The following LRRC1 variants were observed in gnomAD, a reference collection of about 807,000 sequenced individuals.
The protein encoded by LRRC1 is leucine-rich repeat-containing protein 1.
In LRRC1, 28 loss-of-function variants were observed where a neutral mutation model predicts 69.9. That is an observed-to-expected ratio of 0.40 (90% CI 0.30 to 0.55). LRRC1 has a LOEUF of 0.55. Ranked by LOEUF, LRRC1 falls within the 20% of genes least tolerant of loss-of-function variation. The pLI, the probability that LRRC1 is intolerant of heterozygous loss-of-function variation, is 0.47. For missense variants in LRRC1, 498 were observed against 609.0 expected (o/e 0.82, Z 1.92); for synonymous variants, 236 against 240.2 (o/e 0.98, Z 0.16).
At chr6:53,870,176 G>C (rs1165846899) in intron 2 of LRRC1, among the ~76,000 whole-genome samples, 2 of 152,064 alleles carry the variant, frequency 1.3e-5, no homozygotes, top group African/African-American at 4.8e-5. Flanking sequence ...AATTGTTTTT[G>C]TTATCCTCTG....
rs555154986 is a variant in LRRC1 at position 53,893,758 on chromosome 6, C to T, written c.447-2740C>T. Among the ~76,000 whole-genome samples the T allele has an allele frequency of 1.5e-3, 222 of 151,994 alleles. 3 individuals are homozygous for T. Among genetic ancestry groups the T allele is most frequent in the African/African-American group, 4.6e-3 (189 of 41,456 alleles). On this transcript the variant is annotated intron_variant, in intron 4 of 13. Coordinates refer to ENST00000370888, the MANE Select transcript of LRRC1 (RefSeq NM_018214.5). ...ATATTTTTTGTTGTTGATGTATCACCCATACATCCACATTTTCTTTACTTC... is the reference window on the plus strand; with the variant it reads ...ATATTTTTTGTTGTTGATGTATCACTCATACATCCACATTTTCTTTACTTC...
chr6:53,895,404 G>A (rs917226995), intron 4 of LRRC1, among the ~76,000 whole-genome samples: 2 of 152,076 alleles, frequency 1.3e-5, no homozygotes, highest in African/African-American at 4.8e-5. Context: ...TTACATTTCT[G>A]GATGTTATAA....
chr6:53,854,615 T>C (rs1203497560), intron 2 of LRRC1, among the ~76,000 whole-genome samples: 1 of 152,206 alleles, frequency 6.6e-6, no homozygotes, highest in Non-Finnish European at 1.5e-5. Flanking sequence ...ACTTTGATTG[T>C]GTGACTCATG....
At chr6:53,834,304 C>T (rs1307001294) in intron 1 of LRRC1, among the ~76,000 whole-genome samples, 2 of 152,164 alleles carry the variant, frequency 1.3e-5, no homozygotes, top group African/African-American at 4.8e-5. Context: ...GGCAGCAACC[C>T]CACTTATGTG....
chr6:53,917,513 A>G (rs558048053), intron 11 of LRRC1, among the ~76,000 whole-genome samples: 7 of 152,326 alleles, frequency 4.6e-5, no homozygotes, highest in African/African-American at 1.7e-4. Flanking sequence ...GCTGTGATTT[A>G]TTAATATTAT....
At position 53,845,918 on chromosome 6, in the gene LRRC1, T is replaced by A. The variant is rs79244452; in HGVS notation, c.277+3691T>A. 2.0e-3 allele frequency among the ~76,000 whole-genome samples: 300 copies of A among 152,270 alleles called. 4 individuals carry two copies. The East Asian group carries it at 0.041, about 21-fold the overall frequency. The stretch of plus-strand genomic sequence containing the variant: ...AGCTTCCTGTGGTTAGGAGCCCACA[T>A]TCACTCCCCTCAGGCACCCCTGCAC... On this transcript the variant is annotated intron_variant, in intron 2 of 13. Transcript: ENST00000370888.
intron 1 of LRRC1, among the ~76,000 whole-genome samples, chr6:53,832,464 T>A (rs9382242): frequency 0.37 from 56,509 of 152,162 alleles, 10,973 homozygotes; most frequent in East Asian, 0.64. Flanking sequence ...CTAAACAAAA[T>A]TTTATTCCAT....
At chr6:53,879,623 TA>T (rs1190050508) in intron 3 of LRRC1, among the ~76,000 whole-genome samples, 1 of 151,710 alleles carries the variant, frequency 6.6e-6, no homozygotes. Context: ...AACTCTGCAT[TA>T]AAAAACAAAC....
intron 1 of LRRC1, among the ~76,000 whole-genome samples, chr6:53,822,993 A>G (rs1765158513): frequency 1.3e-5 from 2 of 152,136 alleles, no homozygotes; most frequent in East Asian, 3.8e-4. Flanking sequence ...AGCCATCACA[A>G]ATACACGAAA....
At chr6:53,912,618 A>T (rs999760044) in intron 10 of LRRC1, among the ~76,000 whole-genome samples, 1 of 152,196 alleles carries the variant, frequency 6.6e-6, no homozygotes, top group Admixed American at 6.5e-5. Context: ...CATTATTTTG[A>T]AATCTTTATA....
rs1414080781 is a variant in LRRC1, at chr6:53,882,678, C to T, written c.357-209C>T. On this transcript the variant is annotated intron_variant, in intron 3 of 13. Coordinates refer to ENST00000370888, the MANE Select transcript of LRRC1 (RefSeq NM_018214.5). ...CACCATAACAATGTGTTTATCATGCCCCTGTACATCTATTATGTATACGAA... is the reference window on the plus strand; with the variant it reads ...CACCATAACAATGTGTTTATCATGCTCCTGTACATCTATTATGTATACGAA... Among the ~76,000 whole-genome samples the T allele has an allele frequency of 3.3e-5, 5 of 152,066 alleles. No homozygotes were observed. In the South Asian group the frequency reaches 6.3e-4, roughly 19 times the overall value.
At chr6:53,807,296 C>G (rs1212428214) in intron 1 of LRRC1, among the ~76,000 whole-genome samples, 1 of 152,154 alleles carries the variant, frequency 6.6e-6, no homozygotes, top group East Asian at 1.9e-4. Context: ...CTCATTCACT[C>G]CACATGCTTA....
At chr6:53,871,544 T>G (rs1766884781) in intron 2 of LRRC1, among the ~76,000 whole-genome samples, 1 of 152,250 alleles carries the variant, frequency 6.6e-6, no homozygotes, top group South Asian at 2.1e-4. Flanking sequence ...CAATCCCTTG[T>G]CAGATGCGTA....
At chr6:53,866,911 G>A (rs1259744689) in intron 2 of LRRC1, among the ~76,000 whole-genome samples, 3 of 152,060 alleles carry the variant, frequency 2.0e-5, no homozygotes, top group South Asian at 2.1e-4. Context: ...ATCAGATGAT[G>A]CACTTCCTCT....
intron 1 of LRRC1, among the ~76,000 whole-genome samples, chr6:53,813,782 T>G (rs1764871189): frequency 6.6e-6 from 1 of 152,080 alleles, no homozygotes. Flanking sequence ...GATTTTGAAT[T>G]GGATTCTATA....
chr6:53,894,200 C>G (rs2127434926), intron 4 of LRRC1, among the ~76,000 whole-genome samples: 1 of 152,302 alleles, frequency 6.6e-6, no homozygotes, highest in South Asian at 2.1e-4. Context: ...CTGTTTCTAT[C>G]AAGTGGGCCT....
chr6:53,862,237 A>G (rs1198767173), intron 2 of LRRC1, among the ~76,000 whole-genome samples: 1 of 150,214 alleles, frequency 6.7e-6, no homozygotes, highest in African/African-American at 2.5e-5. Flanking sequence ...TTTTCCCCTC[A>G]TTTTTGATAT....
intron 2 of LRRC1, among the ~76,000 whole-genome samples, chr6:53,863,622 A>G (rs1766601273): frequency 6.6e-6 from 1 of 152,186 alleles, no homozygotes; most frequent in South Asian, 2.1e-4. Context: ...CGAAAACATC[A>G]GAATGAACTT....
intron 2 of LRRC1, among the ~76,000 whole-genome samples, chr6:53,877,830 C>T (rs568236095): frequency 1.4e-3 from 212 of 152,316 alleles, no homozygotes; most frequent in African/African-American, 5.0e-3. Flanking sequence ...TCTTCTGAGC[C>T]CTCCAGACTG....
Sources: gnomAD v4.1 joint callset for allele counts (sites outside exome capture counted in the v4.1 genomes callset) on GRCh38, gnomAD v4.1.1 for gene constraint, MANE v1.5 for transcripts, NCBI Gene and HGNC (gene_info 2026-07-23, HGNC 2026-07-21) for gene names.